Variants in PRR5L observed in about 807,000 individuals in gnomAD.
PRR5L encodes the protein proline-rich protein 5-like.
In PRR5L, 21 loss-of-function variants were observed where a neutral mutation model predicts 36.4. The observed-to-expected ratio is 0.58, with a 90% CI of 0.41 to 0.83. PRR5L has a LOEUF of 0.83. PRR5L is among the 40% of genes least tolerant of loss of function. The pLI is 0.00. For missense variants in PRR5L, 381 were observed against 473.3 expected (o/e 0.80, Z 1.81); for synonymous variants, 188 against 197.0 (o/e 0.95, Z 0.38).
chr11:36,406,281 A>G (rs1344990309), intron 3 of PRR5L, among the ~76,000 whole-genome samples: 1 of 152,080 alleles, frequency 6.6e-6, no homozygotes, highest in East Asian at 1.9e-4. Flanking sequence ...GACTAGTGGG[A>G]AATACATATG....
chr11:36,376,605 G>A, intron 1 of PRR5L: 1 of 992,104 alleles, frequency 1.0e-6, no homozygotes. Context: ...AACTTCCTCG[G>A]GAAGACCGGA....
chr11:36,462,575 G>A lies in PRR5L; in HGVS notation c.946G>A (p.Ala316Thr). The A allele has an allele frequency of 1.2e-6, 2 of 1,613,058 alleles. No homozygotes were observed. Residue 316 changes from alanine to threonine, a missense_variant, in exon 9 of 9, where the codon GCC becomes ACC. Physicochemically the swap from Ala to Thr is moderately conservative, Grantham distance 58. Transcript: ENST00000530639. ...GATGCACTCGGGCCTGGGGGAGGAGGCCAGCAGTGAGAACAAGTGCCTGCT... is the reference window on the plus strand; with the variant it reads ...GATGCACTCGGGCCTGGGGGAGGAGACCAGCAGTGAGAACAAGTGCCTGCT... The part of the protein sequence containing the change: ...TMMHSGLGEE[A>T]SSENKCLLLP...
At chr11:36,369,146 T>G (rs1232281125) in intron 1 of PRR5L, among the ~76,000 whole-genome samples, 1 of 151,896 alleles carries the variant, frequency 6.6e-6, no homozygotes, top group Non-Finnish European at 1.5e-5. Flanking sequence ...TAATCTGGGG[T>G]GATTAAGACA....
Position 36,463,130 on chromosome 11 carries a change from G to A in PRR5L, c.*394G>A, listed in dbSNP as rs1859226860. The stretch of plus-strand genomic sequence containing the variant: ...GACAACACATATAACCACCAAGGAT[G>A]TGTTGGCCTTTGGAGTTCCCCTTTA... On this transcript the variant is annotated 3_prime_UTR_variant, in exon 9 of 9. Coordinates refer to ENST00000530639, the MANE Select transcript of PRR5L (RefSeq NM_001160167.2). The A allele has an allele frequency of 5.9e-6, 1 of 169,964 alleles. No individual in the cohort carries two copies. Among genetic ancestry groups the A allele is most frequent in the South Asian group, 2.0e-4 (1 of 5,050 alleles). The allele number at this position is 169,964 out of a possible 1,614,324, so 10.5% of individuals were successfully genotyped here.
intron 1 of PRR5L, among the ~76,000 whole-genome samples, chr11:36,347,195 T>C (rs1856876465): frequency 6.6e-6 from 1 of 152,226 alleles, no homozygotes; most frequent in South Asian, 2.1e-4. Flanking sequence ...ATTTCTGTTT[T>C]CTTTGATTTG....
At chr11:36,302,431 A>T (rs145762105) in intron 1 of PRR5L, among the ~76,000 whole-genome samples, 27 of 152,260 alleles carry the variant, frequency 1.8e-4, no homozygotes, top group African/African-American at 6.5e-4. Flanking sequence ...GGTCCTATAG[A>T]GTCTTATAAG....
At chr11:36,353,788 G>T (rs1856999050) in intron 1 of PRR5L, among the ~76,000 whole-genome samples, 1 of 152,134 alleles carries the variant, frequency 6.6e-6, no homozygotes, top group Admixed American at 6.6e-5. Context: ...ATGCTTGCTT[G>T]CCCACCACTC....
At chr11:36,330,658 TATG>T (rs1197562764) in intron 1 of PRR5L, among the ~76,000 whole-genome samples, 1 of 152,190 alleles carries the variant, frequency 6.6e-6, no homozygotes, top group Non-Finnish European at 1.5e-5. Flanking sequence ...TGGTTAAAGG[TATG>T]ATGAGAGTTC....
At chr11:36,385,464 G>A (rs967790290) in intron 1 of PRR5L, among the ~76,000 whole-genome samples, 1 of 152,252 alleles carries the variant, frequency 6.6e-6, no homozygotes, top group Non-Finnish European at 1.5e-5. Flanking sequence ...ACTTCTAGGT[G>A]CATCTAAATT....
At chr11:36,317,874 T>A (rs1050242416) in intron 1 of PRR5L, among the ~76,000 whole-genome samples, 2 of 152,198 alleles carry the variant, frequency 1.3e-5, no homozygotes, top group Non-Finnish European at 2.9e-5. Context: ...TTCTTATTGG[T>A]TTGTGAAAGT....
At chr11:36,362,670 T>A (rs2133503152) in intron 1 of PRR5L, among the ~76,000 whole-genome samples, 1 of 152,320 alleles carries the variant, frequency 6.6e-6, no homozygotes, top group South Asian at 2.1e-4. Context: ...CATCTTTCCT[T>A]TCTCACTTCC....
At chr11:36,365,045 G>C (rs553725691) in intron 1 of PRR5L, among the ~76,000 whole-genome samples, 158 of 152,256 alleles carry the variant, frequency 1.0e-3, no homozygotes, top group African/African-American at 3.6e-3. Flanking sequence ...TATCTGCTGG[G>C]GGCTTAGTCT....
chr11:36,297,540 G>A (rs548086749), intron 1 of PRR5L: 1 of 152,234 alleles, frequency 6.6e-6, no homozygotes, highest in South Asian at 2.1e-4. Context: ...GGTATATTAT[G>A]GAAGCAAACT....
Position 36,462,463 on chromosome 11 carries a change from A to T in PRR5L, c.834A>T (p.Glu278Asp). The T allele has an allele frequency of 6.2e-7, 1 of 1,608,354 alleles. No homozygotes were observed. The highest frequency in any genetic ancestry group is 1.3e-5 in the African/African-American group (1 of 75,012). ...VLTPLTEQEGEAYLEKCGSVR... is the reference protein window; with the variant it reads ...VLTPLTEQEGDAYLEKCGSVR... ...CCCCACTGACAGAGCAGGAGGGGGA[A>T]GCCTACCTGGAGAAGTGTGGCAGCG... The change falls in exon 9 of 9, where the codon GAA becomes GAT. Residue 278 changes from glutamate to aspartate, a missense_variant. Coordinates refer to ENST00000530639, the MANE Select transcript of PRR5L (RefSeq NM_001160167.2).
chr11:36,315,178 T>C (rs1305767486), intron 1 of PRR5L, among the ~76,000 whole-genome samples: 1 of 152,136 alleles, frequency 6.6e-6, no homozygotes, highest in Admixed American at 6.5e-5. Context: ...GTCTCCTCCA[T>C]TGTAAAATGG....
At chr11:36,320,723 A>C (rs879720295) in intron 1 of PRR5L, among the ~76,000 whole-genome samples, 1 of 152,244 alleles carries the variant, frequency 6.6e-6, no homozygotes, top group Non-Finnish European at 1.5e-5. Flanking sequence ...TTAGATGATC[A>C]GGACTCAATC....
At position 36,464,566 on chromosome 11, in the gene PRR5L, AGACT is replaced by A. The variant is rs572436079; in HGVS notation, c.*1835_*1838del. The A allele has an allele frequency of 1.6e-3, 241 of 152,356 alleles. No individual in the cohort carries two copies. The highest frequency in any genetic ancestry group is 5.4e-3 in the African/African-American group (224 of 41,584). The allele number at this position is 152,356 out of a possible 1,614,324, so 9.4% of individuals were successfully genotyped here. On this transcript the variant is annotated 3_prime_UTR_variant, in exon 9 of 9. Transcript: ENST00000530639. ...TATGTATGTGTTGGATAAAGTCTAC[AGACT>A]GACTAACATGCATTAGCAAATGGAG... is the stretch of plus-strand genomic sequence containing the variant.
In PRR5L at chr11:36,403,319, C is replaced by T. The variant is rs771533129; in HGVS notation, c.186C>T (p.Asn62=). ...AWNSVQTAVI[N]VFKGGGLQSN... ...GTAGCGTTCAGACTGCTGTGATCAA[C>T]GTTTTCAAAGGGGGTGGCTTGCAAA... Residue 62 remains asparagine, a synonymous_variant, in exon 3 of 9, where the codon AAC becomes AAT. Coordinates refer to ENST00000530639, the MANE Select transcript of PRR5L (RefSeq NM_001160167.2). 38 of 1,613,980 alleles carry T rather than the reference C, an allele frequency of 2.4e-5. No individual in the cohort carries two copies. The highest frequency in any genetic ancestry group is 2.3e-5 in the Non-Finnish European group (27 of 1,179,978).
rs56844732 is a variant in PRR5L, at chr11:36,349,279, CAAAAAAA to C, written c.-125-51707_-125-51701del. On this transcript the variant is annotated intron_variant, in intron 1 of 8. Coordinates refer to ENST00000530639, the MANE Select transcript of PRR5L (RefSeq NM_001160167.2). ...AGCCTGGGTGACAGCAAGACTCTGC[CAAAAAAA>C]AAAAAAAAAAGAAAAATTGAAGATT... is the stretch of plus-strand genomic sequence containing the variant. 1.8e-3 allele frequency among the ~76,000 whole-genome samples: 193 copies of C among 106,544 alleles called. 1 individual carries two copies. Among genetic ancestry groups the C allele is most frequent in the Non-Finnish European group, 2.7e-3 (147 of 55,458 alleles). 69.9% of individuals were successfully genotyped at this position (106,544 alleles called of 152,430 possible).
Sources: gnomAD v4.1 joint callset for allele counts (sites outside exome capture counted in the v4.1 genomes callset) on GRCh38, gnomAD v4.1.1 for gene constraint, MANE v1.5 for transcripts, NCBI Gene and HGNC (gene_info 2026-07-23, HGNC 2026-07-21) for gene names.